CNTN4: variants seen among roughly 807,000 people sequenced by gnomAD.
CNTN4 encodes contactin 4, also known as contactin-4.
A neutral mutation model predicts 122.5 loss-of-function variants in CNTN4; 77 were observed. That is an observed-to-expected ratio of 0.63 (90% CI 0.52 to 0.76). The LOEUF (loss-of-function observed/expected upper bound fraction) is 0.76, where lower values mean the gene tolerates loss of function less well. CNTN4 is among the 30% of genes least tolerant of loss of function. The pLI is 0.00. For synonymous variants in CNTN4, 512 were observed against 447.0 expected (o/e 1.15, Z -1.83); for missense variants, 1,256 against 1,259.1 (o/e 1.00, Z 0.04).
At chr3:2,553,674 A>T (rs1342741928) in intron 3 of CNTN4, among the ~76,000 whole-genome samples, 1 of 152,198 alleles carries the variant, frequency 6.6e-6, no homozygotes, top group African/African-American at 2.4e-5. Context: ...GCTGAAAAGG[A>T]TGAGGAAGAG....
chr3:2,920,102 A>T (rs115734096), intron 12 of CNTN4, among the ~76,000 whole-genome samples: 1,750 of 152,024 alleles, frequency 0.012, 33 homozygotes, highest in African/African-American at 0.04. Context: ...GCCGATATTG[A>T]AGATGTATTT....
At chr3:2,198,393 CCTAGCAGGTA>C (rs2037945034) in intron 2 of CNTN4, among the ~76,000 whole-genome samples, 1 of 151,750 alleles carries the variant, frequency 6.6e-6, no homozygotes, top group Non-Finnish European at 1.5e-5. Context: ...TATGCTGTTT[CCTAGCAGGTA>C]CATGCAGACT....
chr3:2,342,751 C>T (rs999679026), intron 3 of CNTN4, among the ~76,000 whole-genome samples: 2 of 152,158 alleles, frequency 1.3e-5, no homozygotes, highest in African/African-American at 4.8e-5. Context: ...TGAGGCCTCC[C>T]CAGTCATGCT....
chr3:2,905,494 T>A (rs1224493681), intron 12 of CNTN4, among the ~76,000 whole-genome samples: 1 of 152,184 alleles, frequency 6.6e-6, no homozygotes, highest in African/African-American at 2.4e-5. Context: ...ATAAGGTGCT[T>A]CACCCTTATG....
intron 4 of CNTN4, among the ~76,000 whole-genome samples, chr3:2,597,508 G>C (rs1420381548): frequency 6.6e-6 from 1 of 152,152 alleles, no homozygotes; most frequent in Admixed American, 6.5e-5. Flanking sequence ...TCGTAATGTT[G>C]ATAATCTTCA....
intron 2 of CNTN4, among the ~76,000 whole-genome samples, chr3:2,163,387 A>G (rs995290065): frequency 6.6e-6 from 1 of 152,208 alleles, no homozygotes; most frequent in Non-Finnish European, 1.5e-5. Flanking sequence ...TAAGACATGA[A>G]ACCATAGAAA....
At chr3:2,390,434 A>G (rs2046403403) in intron 3 of CNTN4, among the ~76,000 whole-genome samples, 1 of 152,130 alleles carries the variant, frequency 6.6e-6, no homozygotes, top group South Asian at 2.1e-4. Flanking sequence ...ATCAGAGGGC[A>G]AAATAGCCAC....
At chr3:2,319,412 T>A (rs1410592802) in intron 2 of CNTN4, among the ~76,000 whole-genome samples, 1 of 152,120 alleles carries the variant, frequency 6.6e-6, no homozygotes, top group African/African-American at 2.4e-5. Flanking sequence ...ATACCCACAT[T>A]TTTTAAAATA....
chr3:2,956,498 A>G (rs991154676), intron 13 of CNTN4, among the ~76,000 whole-genome samples: 2 of 152,182 alleles, frequency 1.3e-5, no homozygotes, highest in Non-Finnish European at 2.9e-5. Context: ...AAATAGGCAA[A>G]GACAAAAATC....
intron 2 of CNTN4, among the ~76,000 whole-genome samples, chr3:2,158,402 A>G (rs556682071): frequency 7.2e-4 from 110 of 152,358 alleles, no homozygotes; most frequent in Admixed American, 4.6e-3. Context: ...ATTTCTTACC[A>G]TATGAATGTG....
intron 6 of CNTN4, among the ~76,000 whole-genome samples, chr3:2,793,654 T>G (rs897761182): frequency 6.6e-6 from 1 of 152,192 alleles, no homozygotes; most frequent in Non-Finnish European, 1.5e-5. Flanking sequence ...ATGATTTGTT[T>G]CAATAGCCAC....
At chr3:2,171,958 T>C (rs564207766) in intron 2 of CNTN4, among the ~76,000 whole-genome samples, 2 of 152,290 alleles carry the variant, frequency 1.3e-5, no homozygotes, top group African/African-American at 4.8e-5. Flanking sequence ...CAGACTTCAT[T>C]CCTGACCTCG....
intron 6 of CNTN4, among the ~76,000 whole-genome samples, chr3:2,786,398 C>T (rs2091832888): frequency 6.6e-6 from 1 of 152,214 alleles, no homozygotes; most frequent in Admixed American, 6.5e-5. Flanking sequence ...CAGAGTGTTG[C>T]TCCTGCCAGT....
chr3:2,992,766 A>T lies in CNTN4; in HGVS notation c.1486+4294A>T, dbSNP rs554046104. Among the ~76,000 whole-genome samples the T allele has an allele frequency of 1.4e-3, 207 of 152,312 alleles. 2 individuals carry two copies. The highest frequency in any genetic ancestry group is 1.6e-3 in the Non-Finnish European group (108 of 68,028). Reference sequence around the variant, plus strand: ...TAACATAGTCATCGTGCTGAACTACATCCAAACTGACCTTGAGCAATTTTG... The same window carrying T: ...TAACATAGTCATCGTGCTGAACTACTTCCAAACTGACCTTGAGCAATTTTG... On this transcript the variant is annotated intron_variant, in intron 14 of 24. Coordinates refer to ENST00000418658, the MANE Select transcript of CNTN4 (RefSeq NM_175607.3).
At chr3:2,338,896 T>C (rs2044069294) in intron 2 of CNTN4, among the ~76,000 whole-genome samples, 2 of 152,222 alleles carry the variant, frequency 1.3e-5, no homozygotes, top group South Asian at 4.1e-4. Context: ...TATTGCAGGC[T>C]CCTAGAGCCA....
Position 2,598,843 on chromosome 3 carries a change from T to C in CNTN4, c.55+27285T>C, listed in dbSNP as rs554184601. On this transcript the variant is annotated intron_variant, in intron 4 of 24. Transcript: ENST00000418658. Reference sequence around the variant, plus strand: ...AAAGGGGTATTAAAGATCCACTCTCTTGGTTTTGTGGCTGAACAAATTGCC... The same window carrying C: ...AAAGGGGTATTAAAGATCCACTCTCCTGGTTTTGTGGCTGAACAAATTGCC... Among the ~76,000 whole-genome samples, 12 of 151,878 alleles carry C rather than the reference T, an allele frequency of 7.9e-5. No homozygotes were observed. The East Asian group carries it at 2.3e-3, about 29-fold the overall frequency.
chr3:2,327,133 A>ATG (rs143040725), intron 2 of CNTN4, among the ~76,000 whole-genome samples: 14,601 of 149,506 alleles, frequency 0.098, 847 homozygotes, highest in African/African-American at 0.15. Context: ...CTGGGAATAG[A>ATG]TGTGTGTGTG....
intron 9 of CNTN4, among the ~76,000 whole-genome samples, chr3:2,884,051 ACT>A (rs2093941774): frequency 1.3e-5 from 2 of 151,558 alleles, no homozygotes; most frequent in African/African-American, 2.4e-5. Context: ...TCCATTACTA[ACT>A]CTCTTTTTCC....
chr3:2,305,414 C>A (rs377037363), intron 2 of CNTN4, among the ~76,000 whole-genome samples: 1 of 152,030 alleles, frequency 6.6e-6, no homozygotes, highest in Non-Finnish European at 1.5e-5. Context: ...TTGATCATGA[C>A]CTTTTATTGT....
Sources: gnomAD v4.1 joint callset for allele counts (sites outside exome capture counted in the v4.1 genomes callset) on GRCh38, gnomAD v4.1.1 for gene constraint, MANE v1.5 for transcripts, NCBI Gene and HGNC (gene_info 2026-07-23, HGNC 2026-07-21) for gene names.